Variants in ACTN4 observed in about 807,000 individuals in gnomAD.
ACTN4 encodes the protein actinin alpha 4, also known as alpha-actinin-4.
ACTN4 carries 18 observed loss-of-function variants against 114.2 expected under a neutral mutation model. The ratio of observed to expected loss-of-function variants is 0.16; its 90% CI spans 0.11 to 0.23. The LOEUF (loss-of-function observed/expected upper bound fraction) is 0.23, where lower values mean the gene tolerates loss of function less well. Among genes scored for constraint, ACTN4 ranks in the 10% least tolerant of loss-of-function variants. The pLI is 1.00. For synonymous variants in ACTN4, 515 were observed against 506.3 expected (o/e 1.02, Z -0.23); for missense variants, 722 against 1,262.9 (o/e 0.57, Z 6.49).
In ACTN4 at chr19:38,725,756, G is replaced by A; in HGVS notation, c.2043G>A (p.Gly681=). The stretch of plus-strand genomic sequence containing the variant: ...GGCGCATCTCCATTGAGATGAACGG[G>A]ACCCTGGAGGACCAGCTGAGCCACC... ...EIGRISIEMN[G]TLEDQLSHLK... The change falls in exon 17 of 21, where the codon GGG becomes GGA. Residue 681 remains glycine (G), a synonymous_variant. Coordinates refer to ENST00000252699, the MANE Select transcript of ACTN4 (RefSeq NM_004924.6). 6.2e-7 allele frequency: 1 copy of A among 1,614,090 alleles called. No individual in the cohort carries two copies. Among genetic ancestry groups the A allele is most frequent in the African/African-American group, 1.3e-5 (1 of 75,080 alleles).
Position 38,727,210 on chromosome 19 carries a change from G to A in ACTN4, c.2337+107G>A, listed in dbSNP as rs1008327147. ...TCCATTCCCATCACAGTTGCTGAGC[G>A]TCGGCCGCCACTCCCAGGGCCAGCA... On this transcript the variant is annotated intron_variant, in intron 18 of 20. Coordinates refer to ENST00000252699, the MANE Select transcript of ACTN4 (RefSeq NM_004924.6). The surrounding 1 kb of genome is among the most constrained non-coding windows in gnomAD (Gnocchi z 5.4). 7.9e-6 allele frequency: 12 copies of A among 1,512,714 alleles called. No homozygotes were observed. The highest frequency in any genetic ancestry group is 5.9e-5 in the Admixed American group (3 of 51,168). The allele number at this position is 1,512,714 out of a possible 1,614,324, so 93.7% of individuals were successfully genotyped here.
chr19:38,697,916 C>T (rs1968146160), intron 1 of ACTN4, among the ~76,000 whole-genome samples: 2 of 152,250 alleles, frequency 1.3e-5, no homozygotes, highest in African/African-American at 4.8e-5. Context: ...GGCTCCACGC[C>T]TGCTTGCTGC....
chr19:38,704,793 G>A lies in ACTN4; in HGVS notation c.398-141G>A, dbSNP rs192313795. ...ATTTTCTCCTGAGGGAGGTGGAGGA[G>A]GACAGGCCTGGGAGATGCAACCAGG... On this transcript the variant is annotated intron_variant, in intron 3 of 20. Coordinates refer to ENST00000252699, the MANE Select transcript of ACTN4 (RefSeq NM_004924.6). 8.3e-5 allele frequency: 61 copies of A among 733,972 alleles called. 1 individual carries two copies. The East Asian group carries it at 1.5e-3, about 19-fold the overall frequency. The allele number at this position is 733,972 out of a possible 1,614,324, so 45.5% of individuals were successfully genotyped here. A position where few individuals can be genotyped will look rare whatever the true frequency, so the allele number is the denominator to read the frequency against.
At chr19:38,674,076 G>A (rs1367595881) in intron 1 of ACTN4, among the ~76,000 whole-genome samples, 1 of 151,912 alleles carries the variant, frequency 6.6e-6, no homozygotes, top group Admixed American at 6.6e-5. Flanking sequence ...CACTGCGCCC[G>A]GTGTGATTAT....
At position 38,731,219 on chromosome 19, in the gene ACTN4, G is replaced by GT; in HGVS notation, c.*1787_*1788insT. On this transcript the variant is annotated 3_prime_UTR_variant, in exon 21 of 21. Coordinates refer to ENST00000252699, the MANE Select transcript of ACTN4 (RefSeq NM_004924.6). ...TCTGGGTCAGCTGGTTGTTCAGGTGGAAGCCTAGGGGGAGGCTGCTTCTGA... is the reference window on the plus strand; with the variant it reads ...TCTGGGTCAGCTGGTTGTTCAGGTGGTAAGCCTAGGGGGAGGCTGCTTCTGA... 1.2e-6 allele frequency: 2 copies of GT among 1,612,374 alleles called. No homozygotes were observed. Among genetic ancestry groups the GT allele is most frequent in the Non-Finnish European group, 1.7e-6 (2 of 1,179,832 alleles).
intron 13 of ACTN4, 93 bp downstream of exon 13, chr19:38,723,815 C>A (rs541394163): frequency 2.0e-4 from 295 of 1,457,126 alleles, no homozygotes; most frequent in Non-Finnish European, 2.5e-4. Flanking sequence ...GAGCTCCCCC[C>A]ACCTCCCACG....
chr19:38,706,018 GCTCA>G, intron 4 of ACTN4, 22 bp from the exon 5 acceptor site: 1 of 1,612,874 alleles, frequency 6.2e-7, no homozygotes, highest in Non-Finnish European at 8.5e-7. Context: ...TTGAGCCAGT[GCTCA>G]CTGTCTTTGT....
chr19:38,729,031 C>G lies in ACTN4; in HGVS notation c.2454C>G (p.Val818=), dbSNP rs748580813. The change falls in exon 20 of 21, where the codon GTC becomes GTG. Residue 818 remains valine (V), a synonymous_variant. Transcript: ENST00000252699. ...EAEFNRIMSL[V]DPNHSGLVTF... is the part of the protein sequence containing the mutation. Reference sequence around the variant, plus strand: ...AGTTCAACCGCATCATGAGCCTGGTCGACCCCAACCATAGCGGCCTTGTGA... The same window carrying G: ...AGTTCAACCGCATCATGAGCCTGGTGGACCCCAACCATAGCGGCCTTGTGA... The G allele has an allele frequency of 6.2e-7, 1 of 1,613,442 alleles. No individual in the cohort carries two copies. Among genetic ancestry groups the G allele is most frequent in the South Asian group, 1.1e-5 (1 of 91,072 alleles).
intron 7 of ACTN4, among the ~76,000 whole-genome samples, chr19:38,709,777 C>T (rs994699452): frequency 1.3e-5 from 2 of 152,208 alleles, no homozygotes; most frequent in African/African-American, 4.8e-5. Flanking sequence ...CCAGGAAGGG[C>T]AAGGTGGCTG....
At chr19:38,728,511 C>T in intron 19 of ACTN4, 1 of 645,166 alleles carries the variant, frequency 1.5e-6, no homozygotes, top group South Asian at 1.6e-5. Flanking sequence ...ACTCCTCCGC[C>T]CGAGCAGCGC....
At chr19:38,654,522 A>G (rs1165916774) in intron 1 of ACTN4, among the ~76,000 whole-genome samples, 1 of 150,642 alleles carries the variant, frequency 6.6e-6, no homozygotes, top group East Asian at 1.9e-4. Context: ...AGATCACGCC[A>G]CTGCACTCCA....
intron 1 of ACTN4, among the ~76,000 whole-genome samples, chr19:38,689,630 T>C (rs540248873): frequency 7.4e-4 from 113 of 152,310 alleles, no homozygotes; most frequent in Non-Finnish European, 1.2e-3. Context: ...TCTGAGTAGC[T>C]GGGACTACAG....
chr19:38,700,960 C>CTCTCTG, intron 2 of ACTN4, 42 bp from the exon 3 acceptor site: 2 of 1,608,860 alleles, frequency 1.2e-6, no homozygotes, highest in Non-Finnish European at 1.7e-6. Flanking sequence ...CCCTTTCTCT[C>CTCTCTG]TCTCTGTCTC....
intron 3 of ACTN4, among the ~76,000 whole-genome samples, chr19:38,704,023 T>C (rs1968371953): frequency 6.6e-6 from 1 of 152,166 alleles, no homozygotes; most frequent in African/African-American, 2.4e-5. Flanking sequence ...GCAAGCCCTT[T>C]CCCTGTGGGC....
At chr19:38,708,019 T>G in intron 5 of ACTN4, 98 bp from the exon 6 acceptor site, 1 of 1,260,244 alleles carries the variant, frequency 7.9e-7, no homozygotes, top group Non-Finnish European at 1.2e-6. Context: ...CAGACTGCAG[T>G]GAATGGGAAT....
At chr19:38,714,098 C>T (rs918344573) in intron 8 of ACTN4, among the ~76,000 whole-genome samples, 9 of 152,188 alleles carry the variant, frequency 5.9e-5, no homozygotes, top group East Asian at 5.8e-4. Context: ...CTCTCGGCTT[C>T]CCATCCTTTC....
At position 38,729,633 on chromosome 19, in the gene ACTN4, G is replaced by A. The variant is rs1001274286; in HGVS notation, c.*201G>A. 2.6e-6 allele frequency: 2 copies of A among 764,934 alleles called. No individual in the cohort carries two copies. Among genetic ancestry groups the A allele is most frequent in the Non-Finnish European group, 2.3e-6 (1 of 444,034 alleles). The allele number at this position is 764,934 out of a possible 1,614,324, so 47.4% of individuals were successfully genotyped here. Reference sequence around the variant, plus strand: ...GCCAGGAGGTTCCCCCGACCAGGTTGGGGAGACTTGGGGCCAGCGCTTCTG... The same window carrying A: ...GCCAGGAGGTTCCCCCGACCAGGTTAGGGAGACTTGGGGCCAGCGCTTCTG... On this transcript the variant is annotated 3_prime_UTR_variant, in exon 21 of 21. Transcript: ENST00000252699.
intron 1 of ACTN4, among the ~76,000 whole-genome samples, chr19:38,670,233 C>G (rs1967087516): frequency 6.6e-6 from 1 of 152,182 alleles, no homozygotes; most frequent in Non-Finnish European, 1.5e-5. Context: ...TCCACTTCCA[C>G]CTGGGATTTC....
intron 1 of ACTN4, among the ~76,000 whole-genome samples, chr19:38,684,514 G>T (rs1378608835): frequency 6.6e-6 from 1 of 152,170 alleles, no homozygotes; most frequent in East Asian, 1.9e-4. Flanking sequence ...AGCAGCAGGG[G>T]CCCCTTTGTC....
Sources: gnomAD v4.1 joint callset for allele counts (sites outside exome capture counted in the v4.1 genomes callset) on GRCh38, gnomAD v4.1.1 for gene constraint, Gnocchi (gnomAD v3.1) non-coding constraint, MANE v1.5 for transcripts, NCBI Gene and HGNC (gene_info 2026-07-23, HGNC 2026-07-21) for gene names.